The following CYP2C19 variants were observed in gnomAD, a reference collection of about 807,000 sequenced individuals.
CYP2C19 encodes the protein cytochrome P450 family 2 subfamily C member 19, also known as cytochrome P450 2C19.
In CYP2C19, 59 loss-of-function variants were observed where a neutral mutation model predicts 40.9. That is an observed-to-expected ratio of 1.44 (90% CI 1.17 to 1.79). The LOEUF (loss-of-function observed/expected upper bound fraction) is 1.79, where lower values mean the gene tolerates loss of function less well. CYP2C19 is among the 40% of genes most tolerant of loss of function. The pLI is 0.00. For missense variants in CYP2C19, 754 were observed against 596.9 expected (o/e 1.26, Z -2.74); for synonymous variants, 253 against 208.7 (o/e 1.21, Z -1.83).
At chr10:94,852,688 A>G in intron 8 of CYP2C19, 45 bp from the exon 9 acceptor site, 1 of 1,592,848 alleles carries the variant, frequency 6.3e-7, no homozygotes, top group Non-Finnish European at 8.6e-7. Flanking sequence ...TCACTCTCAC[A>G]GTTACACATG....
chr10:94,841,644 T>A (rs993180100), intron 6 of CYP2C19, among the ~76,000 whole-genome samples: 8 of 152,234 alleles, frequency 5.3e-5, no homozygotes, highest in Non-Finnish European at 1.2e-4. Flanking sequence ...TAAACTTTCC[T>A]CTTAGTACTG....
At chr10:94,808,905 A>G (rs1447897107) in intron 5 of CYP2C19, among the ~76,000 whole-genome samples, 2 of 152,178 alleles carry the variant, frequency 1.3e-5, no homozygotes, top group Non-Finnish European at 2.9e-5. Flanking sequence ...ATGGGAGTGT[A>G]GATATCTCTT....
At position 94,852,713 on chromosome 10, in the gene CYP2C19, C is replaced by A; in HGVS notation, c.1292-20C>A. ...AGTTACACATGAGGAGTAACTTCTC[C>A]CTATGTTTGTTATTTTCAGGAAAAC... On this transcript the variant is annotated intron_variant, in intron 8 of 8. Coordinates refer to ENST00000371321, the MANE Select transcript of CYP2C19 (RefSeq NM_000769.4). The A allele has an allele frequency of 6.2e-7, 1 of 1,612,896 alleles. No individual in the cohort carries two copies. Among genetic ancestry groups the A allele is most frequent in the Non-Finnish European group, 8.5e-7 (1 of 1,179,536 alleles).
chr10:94,837,668 C>T (rs939146685), intron 6 of CYP2C19, among the ~76,000 whole-genome samples: 8 of 152,060 alleles, frequency 5.3e-5, no homozygotes, highest in South Asian at 2.1e-4. Flanking sequence ...GACAGTTGTC[C>T]GAGACAGGAG....
chr10:94,803,319 A>T (rs1263946473), intron 5 of CYP2C19, among the ~76,000 whole-genome samples: 1 of 152,006 alleles, frequency 6.6e-6, no homozygotes, highest in East Asian at 1.9e-4. Context: ...TTTGACTTTA[A>T]TTCCATAGCT....
chr10:94,815,686 A>G (rs553170598), intron 5 of CYP2C19, among the ~76,000 whole-genome samples: 2 of 152,230 alleles, frequency 1.3e-5, no homozygotes, highest in South Asian at 2.1e-4. Flanking sequence ...TTCCTGCACT[A>G]CTTGCATTCT....
intron 7 of CYP2C19, among the ~76,000 whole-genome samples, chr10:94,848,458 C>T (rs185193180): frequency 0.2 from 30,617 of 152,032 alleles, 3,268 homozygotes; most frequent in Middle Eastern, 0.23. Flanking sequence ...GGTACCAGTA[C>T]CATGCTGTTT....
chr10:94,821,222 C>T (rs543437182), intron 6 of CYP2C19, among the ~76,000 whole-genome samples: 1 of 152,132 alleles, frequency 6.6e-6, no homozygotes, highest in African/African-American at 2.4e-5. Context: ...TGGATTTCAT[C>T]GACAGTGACT....
At chr10:94,829,560 A>T (rs941135724) in intron 6 of CYP2C19, among the ~76,000 whole-genome samples, 4 of 151,852 alleles carry the variant, frequency 2.6e-5, no homozygotes, top group South Asian at 2.1e-4. Flanking sequence ...CTTCTTCTAA[A>T]TTTTTTTCAA....
chr10:94,820,390 T>G, intron 5 of CYP2C19, 106 bp from the exon 6 acceptor site: 12 of 1,314,346 alleles, frequency 9.1e-6, no homozygotes, highest in Non-Finnish European at 1.3e-5. Flanking sequence ...TACTATACTT[T>G]ACAGTTTCTA....
intron 5 of CYP2C19, among the ~76,000 whole-genome samples, chr10:94,787,214 C>T (rs1296710541): frequency 6.6e-6 from 1 of 152,006 alleles, no homozygotes; most frequent in African/African-American, 2.4e-5. Context: ...GATGATATCT[C>T]ATTGTGGTTT....
chr10:94,762,951 G>A, intron 1 of CYP2C19, 78 bp downstream of exon 1: 1 of 1,415,986 alleles, frequency 7.1e-7, no homozygotes, highest in South Asian at 1.2e-5. Flanking sequence ...ATCCCTAGAG[G>A]TACAATGTTA....
chr10:94,836,393 T>A (rs774278786), intron 6 of CYP2C19, among the ~76,000 whole-genome samples: 35 of 151,270 alleles, frequency 2.3e-4, no homozygotes, highest in Admixed American at 9.2e-4. Context: ...GAGCTATTCC[T>A]GTTTTTTTTC....
Position 94,762,888 on chromosome 10 carries a change from T to C in CYP2C19, c.168+15T>C, listed in dbSNP as rs17882201. On this transcript the variant is annotated intron_variant, in intron 1 of 8. Coordinates refer to ENST00000371321, the MANE Select transcript of CYP2C19 (RefSeq NM_000769.4). ...CCTTAACCAATGTAAGTATGCTCCT[T>C]CAGTGGCTTGCAAAAGGTAAGTAAA... The C allele has an allele frequency of 6.9e-4, 1,111 of 1,611,132 alleles. 7 individuals carry two copies. In the African/African-American group the frequency reaches 0.013, roughly 19 times the overall value.
At chr10:94,847,811 C>T (rs968121127) in intron 7 of CYP2C19, among the ~76,000 whole-genome samples, 1 of 152,162 alleles carries the variant, frequency 6.6e-6, no homozygotes, top group African/African-American at 2.4e-5. Context: ...TTGTGATTTG[C>T]ATTTTTGTGA....
intron 1 of CYP2C19, among the ~76,000 whole-genome samples, chr10:94,763,314 C>T (rs17884974): frequency 0.17 from 25,181 of 151,916 alleles, 2,281 homozygotes; most frequent in South Asian, 0.33. Context: ...GTAAAGGAAG[C>T]AGCTGTGGGT....
intron 5 of CYP2C19, among the ~76,000 whole-genome samples, chr10:94,815,935 T>C (rs1018688672): frequency 3.5e-4 from 53 of 152,220 alleles, no homozygotes; most frequent in African/African-American, 1.2e-3. Context: ...TAGTATCTAA[T>C]GATATGGCCC....
chr10:94,848,550 T>C (rs2039873194), intron 7 of CYP2C19, among the ~76,000 whole-genome samples: 1 of 152,308 alleles, frequency 6.6e-6, no homozygotes, highest in Non-Finnish European at 1.5e-5. Flanking sequence ...AGGATTGACT[T>C]GGCAATGCAG....
At chr10:94,851,076 A>G (rs944216507) in intron 8 of CYP2C19, among the ~76,000 whole-genome samples, 1 of 152,130 alleles carries the variant, frequency 6.6e-6, no homozygotes, top group Non-Finnish European at 1.5e-5. Context: ...CCATTCTTTC[A>G]TTGCTATAAA....
Sources: allele counts gnomAD v4.1 joint callset (sites outside exome capture counted in the v4.1 genomes callset), GRCh38; gene constraint gnomAD v4.1.1; transcripts MANE v1.5; gene names NCBI Gene and HGNC (gene_info 2026-07-23, HGNC 2026-07-21).